Variants in RBFOX1 observed in about 807,000 individuals in gnomAD.
RBFOX1 encodes the protein RNA binding protein fox-1 homolog 1.
A neutral mutation model predicts 57.7 loss-of-function variants in RBFOX1; 8 were observed. That is an observed-to-expected ratio of 0.14 (90% CI 0.08 to 0.25). The LOEUF is 0.25. Ranked by LOEUF, RBFOX1 falls within the 10% of genes least tolerant of loss-of-function variation. The probability of loss-of-function intolerance (pLI) is 1.00; values close to 1 mark genes in which losing one functional copy is unlikely to be tolerated. For synonymous variants in RBFOX1, 326 were observed against 222.4 expected (o/e 1.47, Z -4.15); for missense variants, 611 against 548.5 (o/e 1.11, Z -1.14).
chr16:6,036,325 A>G (rs543788863), intron 1 of RBFOX1, among the ~76,000 whole-genome samples: 5 of 152,286 alleles, frequency 3.3e-5, no homozygotes, highest in African/African-American at 1.2e-4. Flanking sequence ...TGGGAAGGCA[A>G]CACAGGTTTC....
At chr16:7,081,610 G>T (rs896003014) in intron 4 of RBFOX1, among the ~76,000 whole-genome samples, 1 of 152,134 alleles carries the variant, frequency 6.6e-6, no homozygotes, top group Non-Finnish European at 1.5e-5. Flanking sequence ...CATTGACTCA[G>T]TACAAATTGA....
At chr16:6,444,918 A>G (rs76109006) in intron 2 of RBFOX1, among the ~76,000 whole-genome samples, 3,817 of 152,184 alleles carry the variant, frequency 0.025, 129 homozygotes, top group East Asian at 0.14. Flanking sequence ...TTCGTTTTCT[A>G]TGGGTTCCTC....
chr16:5,796,132 G>A (rs1385893511), intron 3 of RBFOX1, among the ~76,000 whole-genome samples: 5 of 152,120 alleles, frequency 3.3e-5, no homozygotes, highest in Admixed American at 2.0e-4. Context: ...GAGCTGTTTT[G>A]GAAGGTCATA....
chr16:5,508,500 C>A (rs1251013643), intron 2 of RBFOX1, among the ~76,000 whole-genome samples: 2 of 152,188 alleles, frequency 1.3e-5, no homozygotes, highest in Non-Finnish European at 2.9e-5. Context: ...AAGTACAGGT[C>A]CTGCCCACTC....
chr16:7,107,644 C>T (rs1244088508), intron 4 of RBFOX1, among the ~76,000 whole-genome samples: 2 of 152,076 alleles, frequency 1.3e-5, no homozygotes, highest in South Asian at 4.1e-4. Flanking sequence ...CCCCTTCCAC[C>T]CTCCCCAAAA....
At chr16:6,302,412 C>G (rs933806454) in intron 1 of RBFOX1, among the ~76,000 whole-genome samples, 1 of 152,142 alleles carries the variant, frequency 6.6e-6, no homozygotes, top group African/African-American at 2.4e-5. Flanking sequence ...GAAGGACTGA[C>G]TATCAGGAAT....
At chr16:7,051,146 A>G (rs1053378433) in intron 3 of RBFOX1, among the ~76,000 whole-genome samples, 4 of 152,198 alleles carry the variant, frequency 2.6e-5, no homozygotes, top group Non-Finnish European at 5.9e-5. Context: ...CTGGAAAGAT[A>G]TAGAATAAAG....
Position 7,165,445 on chromosome 16 carries a change from T to G in RBFOX1, c.27+113347T>G, listed in dbSNP as rs1203373787. Among the ~76,000 whole-genome samples, 4 of 150,782 alleles carry G rather than the reference T, an allele frequency of 2.7e-5. 1 individual carries two copies. Among genetic ancestry groups the G allele is most frequent in the Non-Finnish European group, 5.9e-5 (4 of 67,778 alleles). On this transcript the variant is annotated intron_variant, in intron 4 of 15. Transcript: ENST00000550418. Reference sequence around the variant, plus strand: ...ATTATTATTATTATTATTTTACCATTTGAGATGGAGTTTCGCTCTTGTTCC... The same window carrying G: ...ATTATTATTATTATTATTTTACCATGTGAGATGGAGTTTCGCTCTTGTTCC...
At chr16:7,065,495 G>C (rs8050656) in intron 4 of RBFOX1, among the ~76,000 whole-genome samples, 3,702 of 152,218 alleles carry the variant, frequency 0.024, 150 homozygotes, top group African/African-American at 0.084. Flanking sequence ...ATCTATCTAA[G>C]ACGCTGACCC....
chr16:7,632,029 C>T (rs2061049734), intron 11 of RBFOX1, among the ~76,000 whole-genome samples: 1 of 152,130 alleles, frequency 6.6e-6, no homozygotes, highest in African/African-American at 2.4e-5. Flanking sequence ...CATGACTCAG[C>T]CTCCCAAGTA....
intron 3 of RBFOX1, chr16:6,723,629 G>A (rs2066489187): frequency 1.3e-5 from 2 of 152,252 alleles, no homozygotes; most frequent in South Asian, 4.1e-4. Flanking sequence ...TGTGATCTTT[G>A]TTTTAATTTT....
chr16:6,346,258 T>G (rs796475165), intron 2 of RBFOX1, among the ~76,000 whole-genome samples: 25 of 152,350 alleles, frequency 1.6e-4, no homozygotes, highest in African/African-American at 5.8e-4. Context: ...TCTGAGAGAA[T>G]AGAAGCGGCC....
At chr16:7,029,308 A>G (rs1415459328) in intron 3 of RBFOX1, among the ~76,000 whole-genome samples, 1 of 145,814 alleles carries the variant, frequency 6.9e-6, no homozygotes, top group Non-Finnish European at 1.5e-5. Context: ...ACGTATATGT[A>G]TATATATATA....
chr16:6,132,888 C>T (rs533619620), intron 1 of RBFOX1, among the ~76,000 whole-genome samples: 2 of 151,060 alleles, frequency 1.3e-5, no homozygotes, highest in Non-Finnish European at 2.9e-5. Flanking sequence ...TCACTTGAAC[C>T]CAGGAGGCAG....
intron 3 of RBFOX1, among the ~76,000 whole-genome samples, chr16:6,714,175 G>C (rs894160214): frequency 1.3e-5 from 2 of 152,166 alleles, no homozygotes; most frequent in Non-Finnish European, 2.9e-5. Flanking sequence ...CACCATGTAA[G>C]CCATGCCTGC....
intron 2 of RBFOX1, among the ~76,000 whole-genome samples, chr16:6,511,879 C>A (rs1298892611): frequency 6.6e-6 from 1 of 152,038 alleles, no homozygotes; most frequent in Non-Finnish European, 1.5e-5. Context: ...GAAACCAGTG[C>A]CTGTGCAGCT....
At position 5,671,871 on chromosome 16, in the gene RBFOX1, G is replaced by T. The variant is rs185045733; in HGVS notation, c.318+72910G>T. 6.6e-5 allele frequency among the ~76,000 whole-genome samples: 10 copies of T among 152,244 alleles called. No individual in the cohort carries two copies. The East Asian group carries it at 1.9e-3, about 29-fold the overall frequency. On this transcript the variant is annotated intron_variant, in intron 3 of 19. Transcript: ENST00000641259. ...CAGTGTGAGCTGGGGGTTGAAGGAT[G>T]CCACCTATCAGCCTTGCAGAATATT...
intron 2 of RBFOX1, among the ~76,000 whole-genome samples, chr16:6,444,389 C>A (rs1348002311): frequency 1.3e-5 from 2 of 152,104 alleles, no homozygotes; most frequent in Non-Finnish European, 2.9e-5. Context: ...TTCCACAATT[C>A]CTACGGGTCA....
chr16:7,043,026 C>G (rs1338438155), intron 3 of RBFOX1, among the ~76,000 whole-genome samples: 2 of 152,130 alleles, frequency 1.3e-5, no homozygotes, highest in Admixed American at 6.6e-5. Flanking sequence ...AAAGTTCCTT[C>G]GCTTCCATCC....
Sources: gnomAD v4.1 joint callset for allele counts (sites outside exome capture counted in the v4.1 genomes callset) on GRCh38, gnomAD v4.1.1 for gene constraint, MANE v1.5 for transcripts, NCBI Gene and HGNC (gene_info 2026-07-23, HGNC 2026-07-21) for gene names.